RAB27A: variants seen among roughly 807,000 people sequenced by gnomAD.
RAB27A encodes the protein RAB27A, member RAS oncogene family, also known as ras-related protein Rab-27A.
In RAB27A, 17 loss-of-function variants were observed where a neutral mutation model predicts 20.8. That is an observed-to-expected ratio of 0.82 (90% CI 0.56 to 1.23). The LOEUF is 1.23. Ranked by LOEUF, RAB27A falls within the 50% of genes most tolerant of loss-of-function variation. The pLI is 0.00. For synonymous variants in RAB27A, 85 were observed against 92.8 expected (o/e 0.92, Z 0.48); for missense variants, 277 against 266.7 (o/e 1.04, Z -0.27).
chr15:55,204,937 A>G lies in RAB27A; in HGVS notation c.*570T>C, dbSNP rs1894569304. The G allele has an allele frequency of 6.2e-6, 1 of 161,400 alleles. No homozygotes were observed. The highest frequency in any genetic ancestry group is 1.7e-4 in the South Asian group (1 of 5,922). 10.0% of individuals were successfully genotyped at this position (161,400 alleles called of 1,614,324 possible). ...CAGTTTATCCAAGGTCTATAGATAT[A>G]GCCATGATTTGTCCTATATTCATGT... On this transcript the variant is annotated 3_prime_UTR_variant, in exon 7 of 7. Transcript: ENST00000336787.
intron 5 of RAB27A, among the ~76,000 whole-genome samples, chr15:55,226,869 C>CA (rs574861809): frequency 0.14 from 8,729 of 63,056 alleles, 352 homozygotes; most frequent in African/African-American, 0.2. Context: ...AACTCCATCT[C>CA]AAAAAAAAAA....
intron 1 of RAB27A, chr15:55,317,044 A>C (rs1285051287): frequency 6.6e-6 from 1 of 152,254 alleles, no homozygotes; most frequent in East Asian, 1.9e-4. Context: ...GATACTGCAT[A>C]TGCTGAATTC....
At chr15:55,303,359 C>T (rs1432895143) in intron 2 of RAB27A, among the ~76,000 whole-genome samples, 1 of 79,544 alleles carries the variant, frequency 1.3e-5, no homozygotes, top group African/African-American at 7.2e-5. Flanking sequence ...AGGTGAGGGG[C>T]GCCTCTGCCC....
intron 2 of RAB27A, among the ~76,000 whole-genome samples, chr15:55,246,506 T>G (rs1409035758): frequency 6.6e-6 from 1 of 151,550 alleles, no homozygotes; most frequent in African/African-American, 2.4e-5. Flanking sequence ...GATCAGAATA[T>G]GAATGTTTAT....
At chr15:55,215,855 A>T (rs959710153) in intron 6 of RAB27A, among the ~76,000 whole-genome samples, 1 of 149,652 alleles carries the variant, frequency 6.7e-6, no homozygotes, top group Non-Finnish European at 1.5e-5. Context: ...CTGAGGCAGG[A>T]GAATCACTTT....
intron 1 of RAB27A, among the ~76,000 whole-genome samples, chr15:55,287,605 G>A (rs1156965717): frequency 1.3e-5 from 2 of 152,056 alleles, no homozygotes; most frequent in Non-Finnish European, 2.9e-5. Flanking sequence ...AAATTAGCCA[G>A]GCATGGTGGC....
intron 6 of RAB27A, among the ~76,000 whole-genome samples, chr15:55,215,540 T>A (rs902180349): frequency 6.7e-6 from 1 of 148,924 alleles, no homozygotes; most frequent in Non-Finnish European, 1.5e-5. Flanking sequence ...TAGTCCCAGC[T>A]ACTCGGGAGG....
intron 2 of RAB27A, among the ~76,000 whole-genome samples, chr15:55,299,592 C>CAAA (rs570200207): frequency 7.5e-4 from 53 of 70,290 alleles, no homozygotes; most frequent in African/African-American, 2.3e-3. Flanking sequence ...GAATCTGTCT[C>CAAA]AAAAAAAAAA....
At chr15:55,220,372 C>A (rs561453394) in intron 6 of RAB27A, among the ~76,000 whole-genome samples, 1 of 152,090 alleles carries the variant, frequency 6.6e-6, no homozygotes, top group East Asian at 1.9e-4. Flanking sequence ...AGGGTTCAAG[C>A]GATTCTCCTG....
chr15:55,292,106 A>G (rs1234706090), upstream of RAB27A, among the ~76,000 whole-genome samples: 1 of 152,222 alleles, frequency 6.6e-6, no homozygotes, highest in African/African-American at 2.4e-5. Flanking sequence ...GACTGAAAGC[A>G]ATCAGAAAAG....
chr15:55,247,331 C>T (rs1264901657), intron 2 of RAB27A, among the ~76,000 whole-genome samples: 3 of 151,856 alleles, frequency 2.0e-5, no homozygotes. Context: ...AATGATAGCA[C>T]TGCTACCCCA....
intron 2 of RAB27A, among the ~76,000 whole-genome samples, chr15:55,307,046 C>G (rs1420798476): frequency 6.6e-6 from 1 of 152,040 alleles, no homozygotes; most frequent in East Asian, 1.9e-4. Flanking sequence ...AGACTCCACT[C>G]CAGCCACTTT....
At chr15:55,281,509 C>T (rs1463028818) in intron 1 of RAB27A, among the ~76,000 whole-genome samples, 2 of 152,048 alleles carry the variant, frequency 1.3e-5, no homozygotes, top group East Asian at 3.9e-4. Context: ...GTCAGGAGTT[C>T]GAGACCAGCC....
At chr15:55,232,153 A>G (rs1005585039) in intron 3 of RAB27A, among the ~76,000 whole-genome samples, 2 of 152,184 alleles carry the variant, frequency 1.3e-5, no homozygotes, top group Non-Finnish European at 2.9e-5. Context: ...ACAAACACAC[A>G]GAGACTCTCA....
At chr15:55,241,642 GT>G (rs67185704) in intron 2 of RAB27A, among the ~76,000 whole-genome samples, 21,329 of 123,664 alleles carry the variant, frequency 0.17, 3,394 homozygotes, top group African/African-American at 0.45. Context: ...ATATATATTT[GT>G]TTTTTTTTTT....
chr15:55,230,731 A>C lies in RAB27A; in HGVS notation c.154-245T>G, dbSNP rs1014597. Among the ~76,000 whole-genome samples the C allele has an allele frequency of 0.32, 48,437 of 152,062 alleles. 8,948 individuals are homozygous for C. Among genetic ancestry groups the C allele is most frequent in the East Asian group, 0.74 (3,821 of 5,170 alleles). On this transcript the variant is annotated intron_variant, in intron 3 of 6. Coordinates refer to ENST00000336787, the MANE Select transcript of RAB27A (RefSeq NM_183235.3). Reference sequence around the variant, plus strand: ...AATATGAATACAAAACAACTTGTATAAAATATAATAATTAGTTTACCTTTC... The same window carrying C: ...AATATGAATACAAAACAACTTGTATCAAATATAATAATTAGTTTACCTTTC...
intron 4 of RAB27A, among the ~76,000 whole-genome samples, chr15:55,229,467 G>C (rs972076533): frequency 2.0e-5 from 3 of 152,174 alleles, no homozygotes; most frequent in African/African-American, 7.2e-5. Flanking sequence ...CCTGAAGTCA[G>C]GAGTTAGAGA....
At chr15:55,265,753 G>A (rs180800775) in intron 2 of RAB27A, among the ~76,000 whole-genome samples, 1 of 152,272 alleles carries the variant, frequency 6.6e-6, no homozygotes, top group Admixed American at 6.5e-5. Flanking sequence ...AGAGGCTAAG[G>A]TTACTTAGGA....
rs763056019 is a variant in RAB27A at position 55,246,074 on chromosome 15, G to GAT, written c.-22-11120_-22-11119dup. 1.3e-4 allele frequency among the ~76,000 whole-genome samples: 20 copies of GAT among 151,254 alleles called. 1 individual carries two copies. The highest frequency in any genetic ancestry group is 7.9e-4 in the Admixed American group (12 of 15,150). Reference sequence around the variant, plus strand: ...GGCGACAGAGTGAGACTTCGTCTAAGATATATATATGATATAGATATATAT... The same window carrying GAT: ...GGCGACAGAGTGAGACTTCGTCTAAGATATATATATATGATATAGATATATAT... On this transcript the variant is annotated intron_variant, in intron 2 of 6. Transcript: ENST00000336787.
Sources: gnomAD v4.1 joint callset for allele counts (sites outside exome capture counted in the v4.1 genomes callset) on GRCh38, gnomAD v4.1.1 for gene constraint, MANE v1.5 for transcripts, NCBI Gene and HGNC (gene_info 2026-07-23, HGNC 2026-07-21) for gene names.